Variants in RPS6KC1 observed in about 807,000 individuals in gnomAD.
RPS6KC1 encodes the protein ribosomal protein S6 kinase C1.
RPS6KC1 carries 54 observed loss-of-function variants against 103.8 expected under a neutral mutation model. That is an observed-to-expected ratio of 0.52 (90% CI 0.42 to 0.65). The LOEUF (loss-of-function observed/expected upper bound fraction) is 0.65. RPS6KC1 is among the 30% of genes least tolerant of loss of function. The pLI is 0.00. For synonymous variants in RPS6KC1, 439 were observed against 438.7 expected, an observed-to-expected ratio of 1.00 and a Z score of -0.01; for missense variants, 1,151 against 1,253.8, an observed-to-expected ratio of 0.92 and a Z score of 1.24.
At chr1:213,540,104 T>C in the RPS6KC1 span, among the ~76,000 whole-genome samples, 1 of 152,178 alleles carries the variant, frequency 6.6e-6, no homozygotes, top group Non-Finnish European at 1.5e-5. Context: ...TTGGGGTGGC[T>C]GTGGCAATTT....
chr1:213,260,680 G>A (rs2094767305), intron 12 of RPS6KC1, among the ~76,000 whole-genome samples: 1 of 149,960 alleles, frequency 6.7e-6, no homozygotes, highest in African/African-American at 2.4e-5. Context: ...GAAATGAAAG[G>A]GCAGGTATTG....
intron 1 of RPS6KC1, among the ~76,000 whole-genome samples, chr1:213,051,975 T>C (rs922477800): frequency 6.6e-6 from 1 of 152,214 alleles, no homozygotes; most frequent in Non-Finnish European, 1.5e-5. Context: ...GATGTCAGTG[T>C]TAGGCCACCA....
the RPS6KC1 span, among the ~76,000 whole-genome samples, chr1:213,829,268 CAAAAAAAA>C: frequency 2.6e-5 from 3 of 114,378 alleles, no homozygotes; most frequent in Admixed American, 9.9e-5. Flanking sequence ...TCGTTTGTTT[CAAAAAAAA>C]AAAAAAAAAA....
intron 8 of RPS6KC1, among the ~76,000 whole-genome samples, chr1:213,186,544 T>G (rs2092540233): frequency 6.6e-6 from 1 of 152,162 alleles, no homozygotes; most frequent in African/African-American, 2.4e-5. Context: ...GTTTGATTAT[T>G]ATGCCTTGAG....
intron 12 of RPS6KC1, among the ~76,000 whole-genome samples, 164 bp from the exon 13 acceptor site, chr1:213,261,394 G>T (rs1449273437): frequency 6.6e-6 from 1 of 152,100 alleles, no homozygotes; most frequent in Non-Finnish European, 1.5e-5. Flanking sequence ...TGCAACCGCA[G>T]TAGGTGACCA....
At chr1:213,839,656 C>T in the RPS6KC1 span, 1 of 152,164 alleles carries the variant, frequency 6.6e-6, no homozygotes, top group Non-Finnish European at 1.5e-5. Flanking sequence ...ACTACACTAC[C>T]TTTCTCCTCA....
chr1:213,290,190 A>G, the RPS6KC1 span, among the ~76,000 whole-genome samples: 13 of 151,716 alleles, frequency 8.6e-5, no homozygotes, highest in East Asian at 1.9e-4. Context: ...TCATGCCTCA[A>G]TGGGCATTTT....
At chr1:213,614,595 C>T in the RPS6KC1 span, among the ~76,000 whole-genome samples, 1 of 152,192 alleles carries the variant, frequency 6.6e-6, no homozygotes, top group African/African-American at 2.4e-5. Context: ...TTCCCAATTC[C>T]CAAACTCCTG....
chr1:213,799,729 G>A, the RPS6KC1 span, among the ~76,000 whole-genome samples: 1 of 152,138 alleles, frequency 6.6e-6, no homozygotes, highest in African/African-American at 2.4e-5. Context: ...TTCTGTTGTG[G>A]TTCCAGAAAA....
At chr1:213,706,393 A>G in the RPS6KC1 span, among the ~76,000 whole-genome samples, 3 of 152,034 alleles carry the variant, frequency 2.0e-5, no homozygotes, top group African/African-American at 7.2e-5. Flanking sequence ...GTGCCTCACA[A>G]TTGCTGCAAC....
At chr1:213,608,029 G>A in the RPS6KC1 span, among the ~76,000 whole-genome samples, 1 of 152,122 alleles carries the variant, frequency 6.6e-6, no homozygotes, top group Non-Finnish European at 1.5e-5. Context: ...AATGTCTTCC[G>A]GATTCAGAAG....
the RPS6KC1 span, among the ~76,000 whole-genome samples, chr1:213,610,531 C>T: frequency 6.6e-5 from 10 of 152,244 alleles, no homozygotes; most frequent in South Asian, 2.1e-4. Context: ...GAAGCACAGG[C>T]GACTCGTTTC....
the RPS6KC1 span, among the ~76,000 whole-genome samples, chr1:213,293,528 A>G: frequency 3.0e-4 from 45 of 152,328 alleles, no homozygotes; most frequent in African/African-American, 9.9e-4. Flanking sequence ...AAATACTCAC[A>G]TATCTGCTGG....
intron 6 of RPS6KC1, among the ~76,000 whole-genome samples, chr1:213,161,183 A>G (rs1362672585): frequency 6.6e-6 from 1 of 152,192 alleles, no homozygotes; most frequent in Non-Finnish European, 1.5e-5. Context: ...TAAAGGGGAT[A>G]GGAGGGGCAG....
chr1:213,596,560 C>T, the RPS6KC1 span, among the ~76,000 whole-genome samples: 2 of 152,210 alleles, frequency 1.3e-5, no homozygotes, highest in Non-Finnish European at 2.9e-5. Flanking sequence ...TCAGGAAGGG[C>T]CCCCTTGGGT....
At chr1:213,776,174 T>G in the RPS6KC1 span, among the ~76,000 whole-genome samples, 7 of 152,250 alleles carry the variant, frequency 4.6e-5, no homozygotes, top group African/African-American at 1.7e-4. Context: ...TGTGGACATT[T>G]TCACCTCATT....
At chr1:213,165,054 G>A (rs74139106) in intron 6 of RPS6KC1, among the ~76,000 whole-genome samples, 2,198 of 152,002 alleles carry the variant, frequency 0.014, 46 homozygotes, top group African/African-American at 0.05. Context: ...AATTTGACTA[G>A]TTAGAAATAT....
At chr1:213,703,562 T>C in the RPS6KC1 span, among the ~76,000 whole-genome samples, 1 of 152,180 alleles carries the variant, frequency 6.6e-6, no homozygotes, top group East Asian at 1.9e-4. Context: ...TCAGTTTTTG[T>C]TTGTCTGGAG....
the RPS6KC1 span, among the ~76,000 whole-genome samples, chr1:213,728,949 T>TTG: frequency 2.8e-5 from 2 of 72,012 alleles, no homozygotes; most frequent in Non-Finnish European, 5.5e-5. Flanking sequence ...TTTTTTTTTG[T>TTG]TTTTTTTTTT....
Sources: gnomAD v4.1 joint callset for allele counts (sites outside exome capture counted in the v4.1 genomes callset) on GRCh38, gnomAD v4.1.1 for gene constraint, MANE v1.5 for transcripts, NCBI Gene and HGNC (gene_info 2026-07-23, HGNC 2026-07-21) for gene names.